Variants in NCOR2 observed in about 807,000 individuals in gnomAD.
NCOR2 encodes CTG repeat protein 26.
A neutral mutation model predicts 262.9 loss-of-function variants in NCOR2; 81 were observed. The ratio of observed to expected loss-of-function variants is 0.31; its 90% confidence interval spans 0.26 to 0.37. The LOEUF is 0.37. Ranked by LOEUF, NCOR2 falls within the 10% of genes least tolerant of loss-of-function variation. The pLI is 1.00. For synonymous variants in NCOR2, 1,659 were observed against 1,559.3 expected (o/e 1.06, Z -1.51); for missense variants, 3,385 against 3,621.4 (o/e 0.93, Z 1.68).
At chr12:124,333,048 T>G in intron 42 of NCOR2, 82 bp downstream of exon 44, 1 of 1,495,276 alleles carries the variant, frequency 6.7e-7, no homozygotes, top group African/African-American at 1.4e-5. Context: ...ACTCTCCACA[T>G]GGCACCACGG....
At chr12:124,361,238 G>A (rs1025772900) in intron 22 of NCOR2, among the ~76,000 whole-genome samples, 1 of 152,184 alleles carries the variant, frequency 6.6e-6, no homozygotes, top group Non-Finnish European at 1.5e-5. Context: ...TGGTCAGGAG[G>A]TCGGCCTGGT....
In NCOR2 at chr12:124,531,876, C is replaced by CAGACAA. The variant is rs2050806451; in HGVS notation, c.-118+3688_-118+3689insTTGTCT. ...CCCAATGTATAGACAATCCCAGACA[C>CAGACAA]CCACCTCCCCACCCCACTCCCAGCT... On this transcript the variant is annotated intron_variant, in intron 1 of 46. Transcript: ENST00000404621. This position sits in a 1 kb window ranked among gnomAD's most constrained non-coding sequence, Gnocchi z 4.5. Among the ~76,000 whole-genome samples the CAGACAA allele has an allele frequency of 6.7e-6, 1 of 149,372 alleles. No homozygotes were observed. Among genetic ancestry groups the CAGACAA allele is most frequent in the Admixed American group, 6.7e-5 (1 of 14,952 alleles).
intron 27 of NCOR2, among the ~76,000 whole-genome samples, chr12:124,352,185 G>A (rs1031327250): frequency 2.6e-5 from 4 of 152,148 alleles, no homozygotes; most frequent in African/African-American, 9.7e-5. Context: ...GAAAGCACAG[G>A]ATTCCTGCAG....
chr12:124,326,438 C>T (rs1359670270), intron 45 of NCOR2, 68 bp from the exon 48 acceptor site: 1 of 1,376,224 alleles, frequency 7.3e-7, no homozygotes. Flanking sequence ...TACGGTGGGG[C>T]CACAGGGGCA....
At chr12:124,353,126 C>T (rs534139658) in intron 27 of NCOR2, among the ~76,000 whole-genome samples, 11 of 152,254 alleles carry the variant, frequency 7.2e-5, no homozygotes, top group African/African-American at 2.4e-4. Flanking sequence ...CTGGGAGGTT[C>T]GAGGAAGGGC....
rs566227071 is a variant in NCOR2 at position 124,333,356 on chromosome 12, A to G, written c.6606-77T>C. 8 of 1,317,428 alleles carry G rather than the reference A, an allele frequency of 6.1e-6. No individual in the cohort carries two copies. The South Asian group carries it at 1.5e-4, about 25-fold the overall frequency. 81.6% of individuals were successfully genotyped at this position (1,317,428 alleles called of 1,614,324 possible). Reference sequence around the variant, plus strand: ...GCGCACCCTCCCTCCACTCTAAACCAGGGCCCCACACGCTTTTCCTGTACG... The same window carrying G: ...GCGCACCCTCCCTCCACTCTAAACCGGGGCCCCACACGCTTTTCCTGTACG... On this transcript the variant is annotated intron_variant, in intron 41 of 46. Transcript: ENST00000405201.
chr12:124,399,293 G>A (rs2041866833), intron 15 of NCOR2, among the ~76,000 whole-genome samples: 1 of 152,158 alleles, frequency 6.6e-6, no homozygotes, highest in South Asian at 2.1e-4. Flanking sequence ...AGCCAGGGGT[G>A]CCAGGGGTGC....
At chr12:124,326,257 C>T (rs1002391549) in exon 46 of NCOR2, 1 of 1,559,030 alleles carries the variant, frequency 6.4e-7, no homozygotes, top group Admixed American at 1.9e-5. Context: ...CAGTCTCCCT[C>T]CGAGTGCACT....
chr12:124,505,126 C>T (rs141253551), intron 1 of NCOR2, among the ~76,000 whole-genome samples: 2 of 152,122 alleles, frequency 1.3e-5, no homozygotes, highest in Non-Finnish European at 2.9e-5. Flanking sequence ...CAGATAGGCT[C>T]GGCTTTCCCT....
chr12:124,537,619 G>GCCAGTGTGTGCCACT (rs369234050), upstream of NCOR2, among the ~76,000 whole-genome samples: 19 of 152,298 alleles, frequency 1.2e-4, no homozygotes, highest in South Asian at 2.1e-3. Flanking sequence ...TGCCCTCAGT[G>GCCAGTGTGTGCCACT]CCAGTGTGTG....
Position 124,400,510 on chromosome 12 carries a change from C to T in NCOR2, c.1804G>A (p.Ala602Thr), listed in dbSNP as rs894152140. 1.4e-5 allele frequency: 23 copies of T among 1,613,144 alleles called. No homozygotes were observed. The highest frequency in any genetic ancestry group is 8.0e-5 in the African/African-American group (6 of 74,932). The change falls in exon 15 of 47, where the codon GCC (alanine) becomes ACC (threonine). Residue 602 changes from alanine to threonine, a missense_variant. By Grantham distance (58) the Ala-to-Thr change is moderately conservative. This residue lies in a region of NCOR2 where 515 missense variants were observed against 781.2 expected (regional missense o/e 0.66). Transcript: ENST00000405201. ...CTGGCCCCCAGCTCACCCAGCTCGG[C>T]GCTCTGCTGGGGGGTGATGGCCTCC...
intron 16 of NCOR2, among the ~76,000 whole-genome samples, chr12:124,395,522 G>A (rs147263936): frequency 1.2e-4 from 19 of 152,370 alleles, no homozygotes; most frequent in Non-Finnish European, 2.6e-4. Flanking sequence ...TCCATGGGCA[G>A]GACCCAGGAT....
At chr12:124,540,135 G>C (rs776815871), upstream of NCOR2, among the ~76,000 whole-genome samples, 8 of 151,544 alleles carry the variant, frequency 5.3e-5, no homozygotes, top group Non-Finnish European at 1.0e-4. Context: ...AACACCCTCC[G>C]GTACACCCAT....
chr12:124,438,063 C>A, intron 7 of NCOR2, 67 bp from the exon 10 acceptor site: 1 of 1,495,362 alleles, frequency 6.7e-7, no homozygotes, highest in Non-Finnish European at 9.1e-7. Flanking sequence ...CCGTGCCATC[C>A]TGTTTGCTGA....
chr12:124,431,964 T>G (rs1337649089), intron 8 of NCOR2, among the ~76,000 whole-genome samples: 1 of 142,298 alleles, frequency 7.0e-6, no homozygotes, highest in African/African-American at 2.7e-5. Context: ...AGACACACAG[T>G]CAGTCACACA....
At chr12:124,398,250 C>T (rs1341005855) in intron 15 of NCOR2, 69 bp from the exon 18 acceptor site, 1 of 1,544,924 alleles carries the variant, frequency 6.5e-7, no homozygotes, top group East Asian at 2.2e-5. Flanking sequence ...GCCCTTTTCT[C>T]TCCTTTGAGC....
rs2035705415 is a variant in NCOR2, at chr12:124,334,546, G to A, written c.6483C>T (p.Tyr2161=). ...CGGGGCAGCTGGCCCCAGGGAAGGAGTAGAGGGGGGCGGGCAGGGGTGCGC... is the reference window on the plus strand; with the variant it reads ...CGGGGCAGCTGGCCCCAGGGAAGGAATAGAGGGGGGCGGGCAGGGGTGCGC... The change falls in exon 41 of 47, where the codon TAC becomes TAT. Residue 2161 remains tyrosine (Y), a synonymous_variant. Transcript: ENST00000405201. 2.8e-6 allele frequency: 4 copies of A among 1,428,178 alleles called. No individual in the cohort carries two copies. The South Asian group carries it at 6.2e-5, about 22-fold the overall frequency. The allele number at this position is 1,428,178 out of a possible 1,614,324, so 88.5% of individuals were successfully genotyped here. A position where few individuals can be genotyped will look rare whatever the true frequency, so the allele number is the denominator to read the frequency against.
intron 1 of NCOR2, chr12:124,542,913 A>G (rs569075748): frequency 6.6e-6 from 1 of 152,358 alleles, no homozygotes; most frequent in Non-Finnish European, 1.5e-5. Flanking sequence ...CCGCCGGGAT[A>G]TGTTTTCCTT....
At chr12:124,485,607 C>T (rs990784684) in intron 2 of NCOR2, among the ~76,000 whole-genome samples, 8 of 152,234 alleles carry the variant, frequency 5.3e-5, no homozygotes, top group East Asian at 1.9e-4. Flanking sequence ...ACAGAAGGCA[C>T]GCTGCCTCGG....
Sources: allele counts gnomAD v4.1 joint callset (sites outside exome capture counted in the v4.1 genomes callset), GRCh38; gene constraint gnomAD v4.1.1; regional missense constraint gnomAD v4.1.1; non-coding constraint Gnocchi (gnomAD v3.1); transcripts MANE v1.5; gene names NCBI Gene and HGNC (gene_info 2026-07-23, HGNC 2026-07-21).